CSMD1: variants seen among roughly 807,000 people sequenced by gnomAD.
The protein encoded by CSMD1 is CUB and sushi domain-containing protein 1.
CSMD1 carries 213 observed loss-of-function variants against 417.5 expected under a neutral mutation model. The ratio of observed to expected loss-of-function variants is 0.51; its 90% CI spans 0.46 to 0.57. CSMD1 has a LOEUF of 0.57. Ranked by LOEUF, CSMD1 falls within the 20% of genes least tolerant of loss-of-function variation. The pLI, the probability that CSMD1 is intolerant of heterozygous loss-of-function variation, is 0.00. For missense variants in CSMD1, 6,923 were observed against 4,529.7 expected, an observed-to-expected ratio of 1.53 and a Z score of -15.17; for synonymous variants, 2,862 against 1,736.8, an observed-to-expected ratio of 1.65 and a Z score of -16.11.
chr8:4,776,987 G>C (rs542737333), intron 1 of CSMD1, among the ~76,000 whole-genome samples: 2 of 152,028 alleles, frequency 1.3e-5, no homozygotes, highest in African/African-American at 2.4e-5. Context: ...TCAATTTAGC[G>C]TATTCTTGTA....
At chr8:4,543,868 A>G (rs1797518619) in intron 2 of CSMD1, among the ~76,000 whole-genome samples, 1 of 152,106 alleles carries the variant, frequency 6.6e-6, no homozygotes, top group Non-Finnish European at 1.5e-5. Flanking sequence ...TCAATTTGCA[A>G]TTCCTTAGGG....
intron 2 of CSMD1, among the ~76,000 whole-genome samples, chr8:4,483,701 G>C (rs1191872693): frequency 6.6e-6 from 1 of 152,150 alleles, no homozygotes; most frequent in East Asian, 1.9e-4. Flanking sequence ...GATTTTGCTT[G>C]TCATGAAGAA....
chr8:4,292,719 C>T (rs932619834), intron 3 of CSMD1, among the ~76,000 whole-genome samples: 1 of 152,064 alleles, frequency 6.6e-6, no homozygotes, highest in East Asian at 1.9e-4. Flanking sequence ...ATGTTATAGT[C>T]TTAATATTAG....
intron 2 of CSMD1, among the ~76,000 whole-genome samples, chr8:4,464,002 G>T (rs1390981656): frequency 6.6e-6 from 1 of 151,986 alleles, no homozygotes; most frequent in Non-Finnish European, 1.5e-5. Flanking sequence ...CTCATTTCCT[G>T]TTATATCACA....
chr8:3,445,986 G>C (rs1815279463), intron 12 of CSMD1, among the ~76,000 whole-genome samples: 2 of 152,194 alleles, frequency 1.3e-5, no homozygotes, highest in South Asian at 4.1e-4. Flanking sequence ...AACAGAGGGA[G>C]AAGGGAATGT....
At chr8:3,762,218 C>T (rs532143001) in intron 5 of CSMD1, among the ~76,000 whole-genome samples, 63 of 152,216 alleles carry the variant, frequency 4.1e-4, no homozygotes, top group African/African-American at 1.5e-3. Flanking sequence ...CCCCATGTGC[C>T]CTCCTGACTC....
At chr8:4,214,276 C>A (rs961056041) in intron 3 of CSMD1, among the ~76,000 whole-genome samples, 5 of 152,044 alleles carry the variant, frequency 3.3e-5, no homozygotes, top group Non-Finnish European at 5.9e-5. Context: ...AAAATTTTAC[C>A]TTATTAAAAT....
At chr8:4,155,142 G>C (rs1394467899) in intron 3 of CSMD1, among the ~76,000 whole-genome samples, 1 of 152,190 alleles carries the variant, frequency 6.6e-6, no homozygotes, top group East Asian at 1.9e-4. Context: ...CCATGCTACA[G>C]ATGAGATAAA....
intron 6 of CSMD1, among the ~76,000 whole-genome samples, chr8:3,712,681 A>G (rs900633235): frequency 4.6e-5 from 7 of 152,168 alleles, no homozygotes; most frequent in African/African-American, 1.2e-4. Flanking sequence ...TTGTTAGTCC[A>G]GTTATCTAGT....
At chr8:3,485,442 T>A (rs2117262840) in intron 11 of CSMD1, among the ~76,000 whole-genome samples, 1 of 151,926 alleles carries the variant, frequency 6.6e-6, no homozygotes, top group African/African-American at 2.4e-5. Context: ...GAGGGAACTT[T>A]GGGGTATTAG....
chr8:4,029,186 A>T (rs1024729003), intron 4 of CSMD1, among the ~76,000 whole-genome samples: 2 of 152,228 alleles, frequency 1.3e-5, no homozygotes, highest in African/African-American at 4.8e-5. Context: ...CAAATCTTTG[A>T]ATCCTACAAC....
chr8:3,200,558 C>CA (rs1221536334), intron 32 of CSMD1, among the ~76,000 whole-genome samples: 6 of 141,726 alleles, frequency 4.2e-5, no homozygotes, highest in East Asian at 2.2e-4. Context: ...GACTTTGTCT[C>CA]AAAAAAAAAT....
chr8:4,181,565 A>C (rs192357699), intron 3 of CSMD1, among the ~76,000 whole-genome samples: 1 of 152,300 alleles, frequency 6.6e-6, no homozygotes, highest in East Asian at 1.9e-4. Flanking sequence ...GGCCACATGC[A>C]AAGCCTTACT....
chr8:3,909,204 T>C (rs1012324296), intron 5 of CSMD1, among the ~76,000 whole-genome samples: 2 of 152,190 alleles, frequency 1.3e-5, no homozygotes, highest in Non-Finnish European at 2.9e-5. Flanking sequence ...TGTGACAGGC[T>C]GAGACAGTTA....
chr8:4,853,281 G>A (rs138512967), intron 1 of CSMD1, among the ~76,000 whole-genome samples: 2,127 of 152,264 alleles, frequency 0.014, 72 homozygotes, highest in Admixed American at 0.073. Flanking sequence ...GGTCTACAAA[G>A]AAAGAACAAT....
At chr8:4,065,507 C>A (rs904068868) in intron 3 of CSMD1, among the ~76,000 whole-genome samples, 1 of 152,134 alleles carries the variant, frequency 6.6e-6, no homozygotes, top group African/African-American at 2.4e-5. Context: ...GACACTGATT[C>A]AAAGTGAAGT....
At chr8:3,614,528 C>G (rs1035121810) in intron 8 of CSMD1, among the ~76,000 whole-genome samples, 1 of 152,192 alleles carries the variant, frequency 6.6e-6, no homozygotes, top group African/African-American at 2.4e-5. Context: ...CCTGAATATT[C>G]ACAACTTCCC....
chr8:4,065,385 A>G (rs1019251998), intron 3 of CSMD1, among the ~76,000 whole-genome samples: 1 of 151,902 alleles, frequency 6.6e-6, no homozygotes. Flanking sequence ...TTATGGTCCT[A>G]CAGTCTTAAA....
In CSMD1 at chr8:3,459,080, A is replaced by T. The variant is rs755560203; in HGVS notation, c.1561+9632T>A. Among the ~76,000 whole-genome samples the T allele has an allele frequency of 2.0e-4, 30 of 152,090 alleles. 1 individual carries two copies. The highest frequency in any genetic ancestry group is 7.2e-4 in the African/African-American group (30 of 41,414). ...CGGCATGAGCGCCAGTGTGGGGGAGAACGATGGATGGGCACAGGATGGCAA... is the reference window on the plus strand; with the variant it reads ...CGGCATGAGCGCCAGTGTGGGGGAGTACGATGGATGGGCACAGGATGGCAA... On this transcript the variant is annotated intron_variant, in intron 12 of 69. Coordinates refer to ENST00000635120, the MANE Select transcript of CSMD1 (RefSeq NM_033225.6).
Sources: gnomAD v4.1 joint callset for allele counts (sites outside exome capture counted in the v4.1 genomes callset) on GRCh38, gnomAD v4.1.1 for gene constraint, MANE v1.5 for transcripts, NCBI Gene and HGNC (gene_info 2026-07-23, HGNC 2026-07-21) for gene names.